Variants in RGL1 observed in about 807,000 individuals in gnomAD.
The protein encoded by RGL1 is ral guanine nucleotide dissociation stimulator-like 1.
A neutral mutation model predicts 95.2 loss-of-function variants in RGL1; 24 were observed. The observed-to-expected ratio is 0.25, with a 90% confidence interval of 0.18 to 0.35. The LOEUF (loss-of-function observed/expected upper bound fraction) is 0.35. RGL1 is among the 10% of genes least tolerant of loss of function. The pLI is 1.00. For synonymous variants in RGL1, 329 were observed against 344.9 expected (o/e 0.95, Z 0.51); for missense variants, 715 against 936.3 (o/e 0.76, Z 3.08).
At position 183,865,405 on chromosome 1, in the gene RGL1, T is replaced by G. The variant is rs535599121; in HGVS notation, c.348-591T>G. 1.5e-3 allele frequency among the ~76,000 whole-genome samples: 224 copies of G among 152,320 alleles called. 6 individuals are homozygous for G. The South Asian group carries it at 0.043, about 30-fold the overall frequency. On this transcript the variant is annotated intron_variant, in intron 3 of 17. Transcript: ENST00000360851. Reference sequence around the variant, plus strand: ...AGTATAGCTACAGCTGCTCTCATGGTTGCTAAGACATGAGAGCTTCTACTG... The same window carrying G: ...AGTATAGCTACAGCTGCTCTCATGGGTGCTAAGACATGAGAGCTTCTACTG...
chr1:183,742,125 G>A lies in RGL1; in HGVS notation c.-32-1G>A, dbSNP rs1471125235. On this transcript the variant is annotated splice_acceptor_variant, in intron 1 of 18. Coordinates refer to the RGL1 transcript ENST00000304685. LOFTEE classifies it low-confidence loss of function (5UTR_SPLICE). ...GGATCACACTTTATTCTTCCACACA[G>A]ATCCGTAATGCCTCCTGCCTGCCTC... 3 of 1,612,964 alleles carry A rather than the reference G, an allele frequency of 1.9e-6. No individual in the cohort carries two copies. The highest frequency in any genetic ancestry group is 2.5e-6 in the Non-Finnish European group (3 of 1,179,278).
At chr1:183,782,690 A>T (rs1659966107) in intron 2 of RGL1, among the ~76,000 whole-genome samples, 2 of 152,220 alleles carry the variant, frequency 1.3e-5, no homozygotes, top group Admixed American at 6.5e-5. Context: ...TTTTGTTGGT[A>T]ATGTGCTCTA....
At chr1:183,872,305 C>T (rs1371881710) in intron 4 of RGL1, among the ~76,000 whole-genome samples, 1 of 152,080 alleles carries the variant, frequency 6.6e-6, no homozygotes, top group Non-Finnish European at 1.5e-5. Flanking sequence ...TATGAGATGG[C>T]CATATCTCCC....
At chr1:183,673,979 C>T (rs181285632) in intron 1 of RGL1, among the ~76,000 whole-genome samples, 2 of 152,272 alleles carry the variant, frequency 1.3e-5, no homozygotes, top group East Asian at 1.9e-4. Context: ...CTTTGAATTC[C>T]AACCTACCTG....
intron 2 of RGL1, among the ~76,000 whole-genome samples, chr1:183,755,382 GTAAC>G (rs966994657): frequency 6.6e-6 from 1 of 152,018 alleles, no homozygotes; most frequent in African/African-American, 2.4e-5. Flanking sequence ...GTGATTAACT[GTAAC>G]TATTCTATGC....
At chr1:183,853,101 C>T (rs563431707) in intron 3 of RGL1, among the ~76,000 whole-genome samples, 11 of 151,982 alleles carry the variant, frequency 7.2e-5, no homozygotes, top group South Asian at 2.1e-4. Flanking sequence ...TTTGGGAGGC[C>T]GAGGTGGGCG....
rs561887295 is a variant in RGL1, at chr1:183,910,337, G to T, written c.1563-1745G>T. On this transcript the variant is annotated intron_variant, in intron 14 of 17. Transcript: ENST00000360851. ...GGTCTTGAACTCCTGAACTCAGGCA[G>T]TCAGCCTGCCTCGGCCTCCCAAAGT... is the stretch of plus-strand genomic sequence containing the variant. 4.2e-4 allele frequency among the ~76,000 whole-genome samples: 64 copies of T among 152,326 alleles called. No individual in the cohort carries two copies. In the South Asian group the frequency reaches 0.013, roughly 31 times the overall value.
At chr1:183,889,386 T>C (rs1415189473) in intron 8 of RGL1, among the ~76,000 whole-genome samples, 2 of 152,176 alleles carry the variant, frequency 1.3e-5, no homozygotes, top group Non-Finnish European at 2.9e-5. Context: ...GGGAAGAATC[T>C]ATAAATTCTG....
intron 2 of RGL1, among the ~76,000 whole-genome samples, chr1:183,831,073 C>T (rs1024785534): frequency 1.3e-5 from 2 of 152,118 alleles, no homozygotes; most frequent in African/African-American, 4.8e-5. Flanking sequence ...ATGGAGTTTA[C>T]AGGCAACAAA....
chr1:183,793,863 A>G (rs1279930399), intron 2 of RGL1, among the ~76,000 whole-genome samples: 1 of 152,182 alleles, frequency 6.6e-6, no homozygotes, highest in Non-Finnish European at 1.5e-5. Context: ...AACTAAAGAA[A>G]GAATTACCAT....
rs1326764974 is a variant in RGL1 at position 183,751,980 on chromosome 1, GA to G, written c.132+9692del. ...TGGTCTTGTTGGGAGCTGCAGACTGGAGCTGTTCCTATTCGGCCATCTTGCC... is the reference window on the plus strand; with the variant it reads ...TGGTCTTGTTGGGAGCTGCAGACTGGGCTGTTCCTATTCGGCCATCTTGCC... On this transcript the variant is annotated intron_variant, in intron 2 of 18. Coordinates refer to the RGL1 transcript ENST00000304685. 3.3e-5 allele frequency among the ~76,000 whole-genome samples: 5 copies of G among 152,094 alleles called. No homozygotes were observed. The East Asian group carries it at 9.6e-4, about 29-fold the overall frequency.
intron 2 of RGL1, among the ~76,000 whole-genome samples, chr1:183,833,331 A>T (rs1341475331): frequency 6.6e-6 from 1 of 152,178 alleles, no homozygotes; most frequent in South Asian, 2.1e-4. Flanking sequence ...AATAAACCCT[A>T]GTCATCCTTG....
intron 2 of RGL1, among the ~76,000 whole-genome samples, chr1:183,822,801 A>G (rs1374771411): frequency 6.6e-6 from 1 of 152,172 alleles, no homozygotes; most frequent in Non-Finnish European, 1.5e-5. Flanking sequence ...AGTAGATTTG[A>G]GGGCTTCAAA....
intron 13 of RGL1, among the ~76,000 whole-genome samples, chr1:183,905,457 T>C (rs146544376): frequency 1.3e-5 from 2 of 152,166 alleles, no homozygotes; most frequent in East Asian, 1.9e-4. Flanking sequence ...ATGGGAAGAA[T>C]TGGGGAAAAT....
intron 2 of RGL1, among the ~76,000 whole-genome samples, chr1:183,793,408 A>G (rs1660531718): frequency 6.6e-6 from 1 of 152,236 alleles, no homozygotes; most frequent in African/African-American, 2.4e-5. Context: ...AACAGAAACA[A>G]AAATAGATAA....
intron 3 of RGL1, among the ~76,000 whole-genome samples, chr1:183,864,819 C>A (rs1244884866): frequency 6.6e-6 from 1 of 152,040 alleles, no homozygotes; most frequent in African/African-American, 2.4e-5. Flanking sequence ...CTGGAACCTA[C>A]CGGGATGGGA....
At chr1:183,781,043 G>A (rs1659876891) in intron 2 of RGL1, among the ~76,000 whole-genome samples, 1 of 152,148 alleles carries the variant, frequency 6.6e-6, no homozygotes, top group Non-Finnish European at 1.5e-5. Context: ...ATTGGCCAGA[G>A]GGATGGGGCA....
In RGL1 at chr1:183,879,184, T is replaced by C. The variant is rs370465344; in HGVS notation, c.426-1432T>C. The stretch of plus-strand genomic sequence containing the variant: ...TTGAATATTATAGTTCCAAATGCTT[T>C]AACGTTCCACATTAGTGAAACAATG... On this transcript the variant is annotated intron_variant, in intron 4 of 17. Transcript: ENST00000360851. Among the ~76,000 whole-genome samples, 5 of 151,704 alleles carry C rather than the reference T, an allele frequency of 3.3e-5. No individual in the cohort carries two copies. In the East Asian group the frequency reaches 9.7e-4, roughly 30 times the overall value.
chr1:183,792,001 T>A (rs1660462091), intron 2 of RGL1, among the ~76,000 whole-genome samples: 1 of 152,172 alleles, frequency 6.6e-6, no homozygotes. Flanking sequence ...TCTTCATTTT[T>A]AATCTTTATC....
Sources: allele counts gnomAD v4.1 joint callset (sites outside exome capture counted in the v4.1 genomes callset), GRCh38; gene constraint gnomAD v4.1.1; transcripts MANE v1.5; gene names NCBI Gene and HGNC (gene_info 2026-07-23, HGNC 2026-07-21).